Variants in HTR2A observed in about 807,000 individuals in gnomAD.
HTR2A encodes the protein 5-HT2 receptor.
In HTR2A, 14 loss-of-function variants were observed where a neutral mutation model predicts 31.0. The observed-to-expected ratio is 0.45, with a 90% confidence interval of 0.30 to 0.71. The LOEUF (loss-of-function observed/expected upper bound fraction) is 0.71. Among genes scored for constraint, HTR2A ranks in the 30% least tolerant of loss-of-function variants. The pLI is 0.09. For synonymous variants in HTR2A, 209 were observed against 225.2 expected (o/e 0.93, Z 0.64); for missense variants, 442 against 573.3 (o/e 0.77, Z 2.34).
At chr13:46,846,592 T>A (rs1297737192) in intron 3 of HTR2A, among the ~76,000 whole-genome samples, 1 of 152,210 alleles carries the variant, frequency 6.6e-6, no homozygotes, top group East Asian at 1.9e-4. Context: ...AATGGTCTCC[T>A]CAGTGAAAAT....
At chr13:46,845,507 C>T (rs1349434292) in intron 3 of HTR2A, among the ~76,000 whole-genome samples, 2 of 151,958 alleles carry the variant, frequency 1.3e-5, no homozygotes, top group Non-Finnish European at 2.9e-5. Flanking sequence ...AGTTTTGTTC[C>T]TTCATCCATC....
intron 3 of HTR2A, among the ~76,000 whole-genome samples, chr13:46,858,461 G>A (rs1950755916): frequency 6.6e-6 from 1 of 152,150 alleles, no homozygotes; most frequent in Non-Finnish European, 1.5e-5. Flanking sequence ...TGGATGGAAG[G>A]CAGGGAATAA....
Position 46,895,238 on chromosome 13 carries a change from C to A in HTR2A, c.412+257G>T. On this transcript the variant is annotated intron_variant, in intron 2 of 3. Transcript: ENST00000542664. The surrounding 1 kb of genome is among the most constrained non-coding windows in gnomAD (Gnocchi z 4.4). Reference sequence around the variant, plus strand: ...TACATGTTTTGAAGCACAAAACTCTCCAATGATCATTTTTACACAGGATGT... The same window carrying A: ...TACATGTTTTGAAGCACAAAACTCTACAATGATCATTTTTACACAGGATGT... 2.7e-6 allele frequency: 1 copy of A among 376,774 alleles called. No individual in the cohort carries two copies. The highest frequency in any genetic ancestry group is 4.8e-6 in the Non-Finnish European group (1 of 209,758). The allele number at this position is 376,774 out of a possible 1,614,324, so 23.3% of individuals were successfully genotyped here. A position where few individuals can be genotyped will look rare whatever the true frequency, so the allele number is the denominator to read the frequency against.
At chr13:46,835,685 A>T in intron 3 of HTR2A, 46 bp from the exon 4 acceptor site, 11 of 1,408,878 alleles carry the variant, frequency 7.8e-6, no homozygotes, top group Non-Finnish European at 1.1e-5. Flanking sequence ...GGAATTAAGT[A>T]TATGAAGGCA....
intron 3 of HTR2A, among the ~76,000 whole-genome samples, chr13:46,854,990 A>G (rs1042858320): frequency 6.6e-6 from 1 of 152,194 alleles, no homozygotes; most frequent in Non-Finnish European, 1.5e-5. Flanking sequence ...GTACGCTGAG[A>G]TAACATTATG....
intron 3 of HTR2A, among the ~76,000 whole-genome samples, chr13:46,869,576 A>G (rs762077156): frequency 3.3e-5 from 5 of 152,142 alleles, no homozygotes; most frequent in Admixed American, 1.3e-4. Flanking sequence ...ACTCCTAGGT[A>G]TATTCCCCAA....
chr13:46,851,280 A>T (rs184431316), intron 3 of HTR2A, among the ~76,000 whole-genome samples: 11 of 152,366 alleles, frequency 7.2e-5, no homozygotes, highest in African/African-American at 2.2e-4. Flanking sequence ...TAAAAGACAT[A>T]AGAAACAAAA....
intron 3 of HTR2A, among the ~76,000 whole-genome samples, chr13:46,873,096 T>G (rs1950876619): frequency 6.6e-6 from 1 of 152,132 alleles, no homozygotes; most frequent in African/African-American, 2.4e-5. Flanking sequence ...AAATTCTCAT[T>G]CAAAGGTGAA....
intron 1 of HTR2A, 133 bp from the exon 2 acceptor site, chr13:46,896,367 G>T (rs1274767475): frequency 4.3e-6 from 2 of 465,004 alleles, no homozygotes; most frequent in Non-Finnish European, 6.6e-6. Flanking sequence ...CAGTGGGGAT[G>T]TACACATTCT....
chr13:46,842,226 C>T (rs969037822), intron 3 of HTR2A, among the ~76,000 whole-genome samples: 2 of 152,136 alleles, frequency 1.3e-5, no homozygotes, highest in Non-Finnish European at 2.9e-5. Flanking sequence ...AGCAGGTGCT[C>T]TTTTCTAGGC....
At chr13:46,889,519 G>A (rs1951034017) in intron 3 of HTR2A, among the ~76,000 whole-genome samples, 1 of 152,086 alleles carries the variant, frequency 6.6e-6, no homozygotes, top group Non-Finnish European at 1.5e-5. Context: ...AAGAAAACTT[G>A]TAAGAATCAT....
At chr13:46,860,954 T>G (rs1199770094) in intron 3 of HTR2A, among the ~76,000 whole-genome samples, 1 of 152,146 alleles carries the variant, frequency 6.6e-6, no homozygotes, top group Non-Finnish European at 1.5e-5. Flanking sequence ...CCAGGCAGAA[T>G]TTCCACAAAT....
In HTR2A at chr13:46,831,731, G is replaced by A. The variant is rs963242471; in HGVS notation, c.*3106C>T. On this transcript the variant is annotated 3_prime_UTR_variant, in exon 4 of 4. Coordinates refer to ENST00000542664, the MANE Select transcript of HTR2A (RefSeq NM_000621.5). ...ATGGGAGGAGCACCCTTTGCTGAAAGCAGTACAGTGACTTAGTTCAATTTG... is the reference window on the plus strand; with the variant it reads ...ATGGGAGGAGCACCCTTTGCTGAAAACAGTACAGTGACTTAGTTCAATTTG... 7.9e-5 allele frequency: 12 copies of A among 152,248 alleles called. No individual in the cohort carries two copies. The highest frequency in any genetic ancestry group is 2.9e-4 in the African/African-American group (12 of 41,472). The allele number at this position is 152,248 out of a possible 1,614,324, so 9.4% of individuals were successfully genotyped here.
At chr13:46,865,711 T>A (rs1450745257) in intron 3 of HTR2A, among the ~76,000 whole-genome samples, 1 of 152,180 alleles carries the variant, frequency 6.6e-6, no homozygotes, top group Non-Finnish European at 1.5e-5. Flanking sequence ...AAAATAAAAA[T>A]GAAATGGCAA....
intron 3 of HTR2A, among the ~76,000 whole-genome samples, chr13:46,888,730 G>A (rs1393454006): frequency 1.3e-5 from 2 of 152,124 alleles, no homozygotes; most frequent in Non-Finnish European, 2.9e-5. Flanking sequence ...AAGACATTTA[G>A]TAAATAGGGA....
At chr13:46,852,001 G>T (rs141388289) in intron 3 of HTR2A, 90 of 152,370 alleles carry the variant, frequency 5.9e-4, no homozygotes, top group African/African-American at 2.0e-3. Flanking sequence ...GAGGGAGGAA[G>T]GTGTGTTGGG....
chr13:46,876,434 G>C lies in HTR2A; in HGVS notation c.613+15956C>G, dbSNP rs1164253987. ...TTTTTTTTTTTTTTTTTTTGAGACAGAGTCTTGCTCTGTCGCACAGGCTGG... is the reference window on the plus strand; with the variant it reads ...TTTTTTTTTTTTTTTTTTTGAGACACAGTCTTGCTCTGTCGCACAGGCTGG... On this transcript the variant is annotated intron_variant, in intron 3 of 3. Coordinates refer to ENST00000542664, the MANE Select transcript of HTR2A (RefSeq NM_000621.5). Among the ~76,000 whole-genome samples the C allele has an allele frequency of 2.9e-3, 323 of 110,002 alleles. 1 individual carries two copies. The highest frequency in any genetic ancestry group is 0.01 in the African/African-American group (309 of 29,664). The allele number at this position is 110,002 out of a possible 152,430, so 72.2% of individuals were successfully genotyped here. A position where few individuals can be genotyped will look rare whatever the true frequency, so the allele number is the denominator to read the frequency against.
Position 46,832,317 on chromosome 13 carries a change from G to A in HTR2A, c.*2520C>T, listed in dbSNP as rs1004890158. On this transcript the variant is annotated 3_prime_UTR_variant, in exon 4 of 4. Coordinates refer to ENST00000542664, the MANE Select transcript of HTR2A (RefSeq NM_000621.5). ...GAGTGTTTTCATTGACTTGCTTTTCGTCCATATAAATATATAAATATTGAA... is the reference window on the plus strand; with the variant it reads ...GAGTGTTTTCATTGACTTGCTTTTCATCCATATAAATATATAAATATTGAA... 4 of 151,964 alleles carry A rather than the reference G, an allele frequency of 2.6e-5. No homozygotes were observed. Among genetic ancestry groups the A allele is most frequent in the Non-Finnish European group, 5.9e-5 (4 of 68,002 alleles). 9.4% of individuals were successfully genotyped at this position (151,964 alleles called of 1,614,324 possible).
chr13:46,839,855 A>T (rs150498667), intron 3 of HTR2A, among the ~76,000 whole-genome samples: 17 of 152,270 alleles, frequency 1.1e-4, no homozygotes, highest in African/African-American at 3.9e-4. Flanking sequence ...ACATCTTACC[A>T]CAGGCTGCAT....
Sources: allele counts gnomAD v4.1 joint callset (sites outside exome capture counted in the v4.1 genomes callset), GRCh38; gene constraint gnomAD v4.1.1; non-coding constraint Gnocchi (gnomAD v3.1); transcripts MANE v1.5; gene names NCBI Gene and HGNC (gene_info 2026-07-23, HGNC 2026-07-21).